SALL2: variants seen among roughly 807,000 people sequenced by gnomAD.
The protein encoded by SALL2 is sal-like protein 2.
In SALL2, 32 loss-of-function variants were observed where a neutral mutation model predicts 58.5. The ratio of observed to expected loss-of-function variants is 0.55; its 90% CI spans 0.41 to 0.74. SALL2 has a LOEUF of 0.74. Among genes scored for constraint, SALL2 ranks in the 30% least tolerant of loss-of-function variants. SALL2 has a pLI of 0.00. For missense variants in SALL2, 1,201 were observed against 1,268.9 expected, an observed-to-expected ratio of 0.95 and a Z score of 0.81; for synonymous variants, 516 against 513.6, an observed-to-expected ratio of 1.00 and a Z score of -0.06.
At position 21,524,047 on chromosome 14, in the gene SALL2, C is replaced by T; in HGVS notation, c.1675G>A (p.Ala559Thr). ...GACTTGAAGTGGTTGGTAAGCAGTG[C>T]CCAGCTTGGTAGTGAAGTCACCAAC... ...SKLVTSLPSWALLTNHFKSTG... is the reference protein window; with the variant it reads ...SKLVTSLPSWTLLTNHFKSTG... Residue 559 changes from alanine (A) to threonine (T), a missense_variant, in exon 2 of 2, where the codon GCA becomes ACA. By Grantham distance (58) the Ala-to-Thr change is moderately conservative. Coordinates refer to ENST00000537235, the MANE Select transcript of SALL2 (RefSeq NM_001364564.1). 1 of 1,614,204 alleles carries T rather than the reference C, an allele frequency of 6.2e-7. No homozygotes were observed. The highest frequency in any genetic ancestry group is 8.5e-7 in the Non-Finnish European group (1 of 1,180,026).
rs1012016781 is a variant in SALL2, at chr14:21,523,876, A to T, written c.1846T>A (p.Ser616Thr). Residue 616 changes from serine to threonine, a missense_variant, in exon 2 of 2, where the codon TCT becomes ACT. Coordinates refer to ENST00000537235, the MANE Select transcript of SALL2 (RefSeq NM_001364564.1). This position sits in a 1 kb window ranked among gnomAD's most constrained non-coding sequence, Gnocchi z 4.4. ...TSAASGAPTT[S>T]APAPSSSASS... ...GCTGAGGATGAAGGTGCAGGGGCAGAGGTGGTGGGGGCTCCTGAGGCAGCT... is the reference window on the plus strand; with the variant it reads ...GCTGAGGATGAAGGTGCAGGGGCAGTGGTGGTGGGGGCTCCTGAGGCAGCT... 1.2e-6 allele frequency: 2 copies of T among 1,614,054 alleles called. No individual in the cohort carries two copies. The highest frequency in any genetic ancestry group is 1.7e-6 in the Non-Finnish European group (2 of 1,180,032).
chr14:21,529,471 C>T (rs1475234517), upstream of SALL2, among the ~76,000 whole-genome samples: 6 of 151,904 alleles, frequency 3.9e-5, no homozygotes, highest in South Asian at 2.1e-4. Flanking sequence ...ATTTGAACAG[C>T]GGTTTTCAAA....
Position 21,522,948 on chromosome 14 carries a change from T to C in SALL2, c.2774A>G (p.Glu925Gly). 6.2e-7 allele frequency: 1 copy of C among 1,614,094 alleles called. No homozygotes were observed. The highest frequency in any genetic ancestry group is 8.5e-7 in the Non-Finnish European group (1 of 1,180,004). ...GQAFPSQAAL[E>G]EHQKTHPKEG... ...CTTGGGGTGGGTCTTCTGATGCTCC[T>C]CCAGAGCTGCCTGGGAGGGAAAGGC... Residue 925 changes from glutamate to glycine, a missense_variant, in exon 2 of 2, where the codon GAG (glutamate) becomes GGG (glycine). By Grantham distance (98) the Glu-to-Gly change is moderately conservative. Coordinates refer to ENST00000537235, the MANE Select transcript of SALL2 (RefSeq NM_001364564.1).
chr14:21,521,791 T>TGAGA lies in SALL2; in HGVS notation c.*909_*912dup. 2 of 515,950 alleles carry TGAGA rather than the reference T, an allele frequency of 3.9e-6. No homozygotes were observed. Among genetic ancestry groups the TGAGA allele is most frequent in the South Asian group, 6.2e-5 (2 of 32,142 alleles). 32.0% of individuals were successfully genotyped at this position (515,950 alleles called of 1,614,324 possible). ...AAGAAATCAGCTTGTTTCCCAACTT[T>TGAGA]GAGAGGTCATCATGAATGAGAAGCT... On this transcript the variant is annotated 3_prime_UTR_variant, in exon 2 of 2. Transcript: ENST00000537235.
In SALL2 at chr14:21,523,061, G is replaced by A. The variant is rs748398261; in HGVS notation, c.2661C>T (p.Thr887=). ...CCTGCAGGCTCAGCTCCTCTACCAA[G>A]GTCACGCTGGTGGCTTCCCCTTCTG... ...LTPEGEATSV[T]LVEELSLQEA... is the part of the protein sequence containing the mutation. Residue 887 remains threonine (T), a synonymous_variant, in exon 2 of 2, where the codon ACC becomes ACT. Coordinates refer to ENST00000537235, the MANE Select transcript of SALL2 (RefSeq NM_001364564.1). The surrounding 1 kb of genome is among the most constrained non-coding windows in gnomAD (Gnocchi z 4.4). The A allele has an allele frequency of 2.5e-6, 4 of 1,614,128 alleles. No individual in the cohort carries two copies. Among genetic ancestry groups the A allele is most frequent in the Non-Finnish European group, 3.4e-6 (4 of 1,180,038 alleles).
chr14:21,523,446 T>A lies in SALL2; in HGVS notation c.2276A>T (p.Glu759Val). The A allele has an allele frequency of 6.2e-7, 1 of 1,614,016 alleles. No homozygotes were observed. Among genetic ancestry groups the A allele is most frequent in the Non-Finnish European group, 8.5e-7 (1 of 1,180,010 alleles). ...CTCCTCTTCCTCCTCCTCAGACAAC[T>A]CCTCTTCCGGTGATGGCTGCTGGGA... ...QQSQQPSPEE[E>V]LSEEEEEEDE... Residue 759 changes from glutamate to valine, a missense_variant, in exon 2 of 2, where the codon GAG (glutamate) becomes GTG (valine). Glu to Val is a moderately radical substitution (Grantham distance 121). Transcript: ENST00000537235. The surrounding 1 kb of genome is among the most constrained non-coding windows in gnomAD (Gnocchi z 4.4).
chr14:21,530,281 CTTTTTTT>C (rs34598628), upstream of SALL2, among the ~76,000 whole-genome samples: 114 of 64,828 alleles, frequency 1.8e-3, no homozygotes, highest in Non-Finnish European at 2.7e-3. Context: ...TTTTTTCTTT[CTTTTTTT>C]TTTTTTTTTT....
chr14:21,532,968 A>C (rs1298728422), intron 1 of SALL2, among the ~76,000 whole-genome samples: 1 of 151,684 alleles, frequency 6.6e-6, no homozygotes, highest in Non-Finnish European at 1.5e-5. Flanking sequence ...GTCTCAAAAT[A>C]ATAAAAATAA....
chr14:21,525,804 T>C lies in SALL2; in HGVS notation c.68-150A>G, dbSNP rs1042399387. The C allele has an allele frequency of 5.8e-5, 42 of 722,834 alleles. No individual in the cohort carries two copies. In the East Asian group the frequency reaches 1.9e-3, roughly 32 times the overall value. 44.8% of individuals were successfully genotyped at this position (722,834 alleles called of 1,614,324 possible). A position where few individuals can be genotyped will look rare whatever the true frequency, so the allele number is the denominator to read the frequency against. Reference sequence around the variant, plus strand: ...CATGCAGAAGTCTAGAGCTCAGGCCTGATCCGTGTGGACAGGAGACAACCC... The same window carrying C: ...CATGCAGAAGTCTAGAGCTCAGGCCCGATCCGTGTGGACAGGAGACAACCC... On this transcript the variant is annotated intron_variant, in intron 1 of 1. Transcript: ENST00000537235. This position sits in a 1 kb window ranked among gnomAD's most constrained non-coding sequence, Gnocchi z 4.4.
chr14:21,526,886 G>T (rs1218339931), upstream of SALL2, among the ~76,000 whole-genome samples: 3 of 151,858 alleles, frequency 2.0e-5, no homozygotes, highest in African/African-American at 4.8e-5. Flanking sequence ...AGTTTCTCAG[G>T]GTGGGCGGCT....
Position 21,524,975 on chromosome 14 carries a change from G to A in SALL2, c.747C>T (p.Ser249=), listed in dbSNP as rs764576366. The change falls in exon 2 of 2, where the codon AGC becomes AGT. Residue 249 remains serine, a synonymous_variant. Transcript: ENST00000537235. ...LFSPIKPVQT[S]KTLASSSSSS... is the part of the protein sequence containing the mutation. Reference sequence around the variant, plus strand: ...AGGAGGAGGAAGATGCCAGTGTCTTGCTGGTTTGGACAGGCTTGATGGGGC... The same window carrying A: ...AGGAGGAGGAAGATGCCAGTGTCTTACTGGTTTGGACAGGCTTGATGGGGC... The A allele has an allele frequency of 6.5e-5, 105 of 1,613,966 alleles. No individual in the cohort carries two copies. Among genetic ancestry groups the A allele is most frequent in the Non-Finnish European group, 8.7e-5 (103 of 1,179,988 alleles).
rs373426482 is a variant in SALL2 at position 21,524,225 on chromosome 14, C to T, written c.1497G>A (p.Thr499=). 111 of 1,612,524 alleles carry T rather than the reference C, an allele frequency of 6.9e-5. 1 individual carries two copies. Among genetic ancestry groups the T allele is most frequent in the South Asian group, 3.9e-4 (35 of 90,844 alleles). ...TLLSTSAGTA[T]APGLPAFNKF... is the part of the protein sequence containing the mutation. ...TATTGAAAGCAGGGAGTCCTGGAGC[C>T]GTGGCTGTGCCTGCACTGGTGGAGA... The change falls in exon 2 of 2, where the codon ACG becomes ACA. Residue 499 remains threonine, a synonymous_variant. Transcript: ENST00000537235.
In SALL2 at chr14:21,532,356, T is replaced by C. The variant is rs183836419; in HGVS notation, c.-114+4606A>G. 1.8e-4 allele frequency among the ~76,000 whole-genome samples: 28 copies of C among 152,272 alleles called. No individual in the cohort carries two copies. In the East Asian group the frequency reaches 5.0e-3, roughly 27 times the overall value. ...TATTGTTTAACGGTTACAGTTTCTG[T>C]TTGATGATGAAAAAGATATTGAAAC... On this transcript the variant is annotated intron_variant, in intron 1 of 1. Coordinates refer to the SALL2 transcript ENST00000541965.
chr14:21,530,539 C>T (rs1892434795), upstream of SALL2, among the ~76,000 whole-genome samples: 2 of 152,138 alleles, frequency 1.3e-5, no homozygotes, highest in Admixed American at 6.5e-5. Context: ...CTGCCAACCT[C>T]GGCCTCCCAA....
upstream of SALL2, among the ~76,000 whole-genome samples, chr14:21,530,281 CTTTTTTTTTTTTTT>C (rs34598628): frequency 3.4e-4 from 22 of 64,822 alleles, no homozygotes; most frequent in East Asian, 4.7e-3. Flanking sequence ...TTTTTTCTTT[CTTTTTTTTTTTTTT>C]TTTTTTTTTG....
chr14:21,526,044 G>A lies in SALL2; in HGVS notation c.67+17C>T. The A allele has an allele frequency of 2.7e-6, 2 of 732,026 alleles. No homozygotes were observed. The highest frequency in any genetic ancestry group is 4.4e-6 in the Non-Finnish European group (2 of 451,714). 45.3% of individuals were successfully genotyped at this position (732,026 alleles called of 1,614,324 possible). On this transcript the variant is annotated intron_variant, in intron 1 of 1. Coordinates refer to ENST00000537235, the MANE Select transcript of SALL2 (RefSeq NM_001364564.1). Reference sequence around the variant, plus strand: ...CTCCGCCCCCACCCCTGCCCAGCCCGACCGACCCTACCGCACCTCCGAGCT... The same window carrying A: ...CTCCGCCCCCACCCCTGCCCAGCCCAACCGACCCTACCGCACCTCCGAGCT...
At chr14:21,532,651 A>G (rs1385539679) in intron 1 of SALL2, among the ~76,000 whole-genome samples, 1 of 151,858 alleles carries the variant, frequency 6.6e-6, no homozygotes, top group African/African-American at 2.4e-5. Context: ...AAAAAAGAAA[A>G]AAATTTTTTT....
Position 21,523,687 on chromosome 14 carries a change from G to A in SALL2, c.2035C>T (p.His679Tyr), listed in dbSNP as rs1348236090. The part of the protein sequence containing the change: ...RGNLRAHFVG[H>Y]KASPAARAQN... ...GCCCGGGCAGCTGGACTGGCCTTGTGGCCCACGAAATGTGCACGCAGATTA... is the reference window on the plus strand; with the variant it reads ...GCCCGGGCAGCTGGACTGGCCTTGTAGCCCACGAAATGTGCACGCAGATTA... The change falls in exon 2 of 2, where the codon CAC becomes TAC. Residue 679 changes from histidine (H) to tyrosine (Y), a missense_variant. Coordinates refer to ENST00000537235, the MANE Select transcript of SALL2 (RefSeq NM_001364564.1). The surrounding 1 kb of genome is among the most constrained non-coding windows in gnomAD (Gnocchi z 4.4). 1 of 1,614,214 alleles carries A rather than the reference G, an allele frequency of 6.2e-7. No individual in the cohort carries two copies. Among genetic ancestry groups the A allele is most frequent in the South Asian group, 1.1e-5 (1 of 91,088 alleles).
chr14:21,537,101 C>G (rs1372662932), exon 1 of SALL2: 1 of 602,092 alleles, frequency 1.7e-6, no homozygotes, highest in Non-Finnish European at 3.0e-6. Context: ...CTCTCTGATT[C>G]TCTGTTCTTG....
Sources: allele counts gnomAD v4.1 joint callset (sites outside exome capture counted in the v4.1 genomes callset), GRCh38; gene constraint gnomAD v4.1.1; non-coding constraint Gnocchi (gnomAD v3.1); transcripts MANE v1.5; gene names NCBI Gene and HGNC (gene_info 2026-07-23, HGNC 2026-07-21).